Variants in RIT2 observed in about 807,000 individuals in gnomAD.
The protein encoded by RIT2 is Ras like without CAAX 2, also known as GTP-binding protein Rit2.
In RIT2, 24 loss-of-function variants were observed where a neutral mutation model predicts 23.7. That is an observed-to-expected ratio of 1.01 (90% CI 0.73 to 1.43). The LOEUF is 1.43. RIT2 is among the 40% of genes most tolerant of loss of function. RIT2 has a pLI of 0.00. For synonymous variants in RIT2, 107 were observed against 91.1 expected, an observed-to-expected ratio of 1.17 and a Z score of -0.99; for missense variants, 236 against 266.9, an observed-to-expected ratio of 0.88 and a Z score of 0.81.
chr18:42,856,827 CTTTTTTTT>C (rs756725926), intron 4 of RIT2, among the ~76,000 whole-genome samples: 1 of 114,654 alleles, frequency 8.7e-6, no homozygotes, highest in Non-Finnish European at 1.7e-5. Context: ...CTCTCTCTCT[CTTTTTTTT>C]TTTTTTTTTT....
chr18:42,980,462 G>T (rs934023798), intron 2 of RIT2, among the ~76,000 whole-genome samples: 1 of 151,940 alleles, frequency 6.6e-6, no homozygotes, highest in Non-Finnish European at 1.5e-5. Context: ...ATGCTGATTG[G>T]TGTCAACTAC....
intron 3 of RIT2, among the ~76,000 whole-genome samples, chr18:42,945,070 A>C (rs1324513695): frequency 6.6e-6 from 1 of 152,126 alleles, no homozygotes; most frequent in African/African-American, 2.4e-5. Context: ...TTTGTTTATA[A>C]AATAATATTT....
intron 4 of RIT2, among the ~76,000 whole-genome samples, chr18:42,889,479 T>G (rs893803680): frequency 1.3e-5 from 2 of 152,094 alleles, no homozygotes; most frequent in African/African-American, 4.8e-5. Flanking sequence ...CATTGACTAT[T>G]CAATATCATA....
chr18:42,827,310 A>G (rs1230272182), intron 4 of RIT2, among the ~76,000 whole-genome samples: 1 of 152,204 alleles, frequency 6.6e-6, no homozygotes, highest in Non-Finnish European at 1.5e-5. Context: ...AAATAGCATT[A>G]GATATCTTCA....
intron 1 of RIT2, among the ~76,000 whole-genome samples, chr18:43,047,383 A>T (rs1912274151): frequency 1.3e-5 from 2 of 152,104 alleles, no homozygotes; most frequent in African/African-American, 4.8e-5. Context: ...TAGAATTAAA[A>T]ATTAATGCTG....
intron 4 of RIT2, among the ~76,000 whole-genome samples, chr18:42,906,975 T>A (rs957284394): frequency 2.6e-5 from 4 of 152,184 alleles, no homozygotes; most frequent in African/African-American, 9.7e-5. Flanking sequence ...TGAATTGCCT[T>A]TTCCTAGCAT....
intron 4 of RIT2, among the ~76,000 whole-genome samples, chr18:42,848,732 A>C (rs1366011235): frequency 6.6e-6 from 1 of 152,092 alleles, no homozygotes; most frequent in African/African-American, 2.4e-5. Flanking sequence ...TCATTTACAG[A>C]AAGCACATTG....
chr18:42,959,289 C>T (rs1910044629), intron 3 of RIT2, among the ~76,000 whole-genome samples: 1 of 151,990 alleles, frequency 6.6e-6, no homozygotes, highest in South Asian at 2.1e-4. Flanking sequence ...AAGGACATTG[C>T]CAATATTAAA....
chr18:42,963,035 C>G (rs1910127919), intron 3 of RIT2, among the ~76,000 whole-genome samples: 3 of 152,120 alleles, frequency 2.0e-5, no homozygotes, highest in African/African-American at 4.8e-5. Flanking sequence ...ATTTACCTAT[C>G]CATGTTGCAA....
At chr18:42,880,392 C>T (rs1254595334) in intron 4 of RIT2, among the ~76,000 whole-genome samples, 1 of 152,090 alleles carries the variant, frequency 6.6e-6, no homozygotes, top group Non-Finnish European at 1.5e-5. Context: ...CTTACTATTG[C>T]TTTAATGGGG....
chr18:42,850,619 T>C lies in RIT2; in HGVS notation c.426+72953A>G, dbSNP rs183628504. ...TTTTCTAGTGACAAAATTCAATGTT[T>C]ATAGAAAATGTTGAAGATATGTAAA... On this transcript the variant is annotated intron_variant, in intron 4 of 4. Coordinates refer to ENST00000326695, the MANE Select transcript of RIT2 (RefSeq NM_002930.4). Among the ~76,000 whole-genome samples, 238 of 152,314 alleles carry C rather than the reference T, an allele frequency of 1.6e-3. 2 individuals carry two copies. The highest frequency in any genetic ancestry group is 5.4e-3 in the African/African-American group (226 of 41,564).
rs577184951 is a variant in RIT2 at position 42,753,222 on chromosome 18, G to A, written c.427-9502C>T. On this transcript the variant is annotated intron_variant, in intron 4 of 4. Coordinates refer to ENST00000326695, the MANE Select transcript of RIT2 (RefSeq NM_002930.4). ...AGTCCCAACAATCTGCTGACTTCAG[G>A]AGCTTTCTAGCTCTCTGCATATTTT... 9.9e-5 allele frequency among the ~76,000 whole-genome samples: 15 copies of A among 152,218 alleles called. No homozygotes were observed. The East Asian group carries it at 2.7e-3, about 27-fold the overall frequency.
chr18:42,783,543 A>AT (rs11460196), intron 4 of RIT2, among the ~76,000 whole-genome samples: 49,404 of 151,920 alleles, frequency 0.33, 10,748 homozygotes, highest in African/African-American at 0.61. Context: ...AAAAATGTTG[A>AT]TTTTTTAAGT....
At chr18:42,920,944 T>TC (rs201076478) in intron 4 of RIT2, among the ~76,000 whole-genome samples, 18 of 142,814 alleles carry the variant, frequency 1.3e-4, no homozygotes, top group Non-Finnish European at 2.4e-4. Flanking sequence ...TGAGTCTGCT[T>TC]TTTTTTTTTT....
chr18:42,853,755 T>C (rs889282456), intron 4 of RIT2, among the ~76,000 whole-genome samples: 3 of 152,222 alleles, frequency 2.0e-5, no homozygotes, highest in East Asian at 3.8e-4. Flanking sequence ...AGTAATTGTA[T>C]GGATTTTCCA....
At chr18:43,075,023 A>T (rs996455377) in intron 1 of RIT2, among the ~76,000 whole-genome samples, 2 of 152,334 alleles carry the variant, frequency 1.3e-5, no homozygotes, top group East Asian at 3.9e-4. Context: ...ACAAACCTGC[A>T]CATCCTGCAC....
chr18:42,806,302 C>T (rs1905683095), intron 4 of RIT2, among the ~76,000 whole-genome samples: 1 of 151,552 alleles, frequency 6.6e-6, no homozygotes, highest in Non-Finnish European at 1.5e-5. Context: ...AACCTCATCT[C>T]TACTAATAAT....
intron 4 of RIT2, among the ~76,000 whole-genome samples, chr18:42,773,097 T>C (rs1385020945): frequency 5.3e-5 from 8 of 152,192 alleles, no homozygotes; most frequent in Non-Finnish European, 1.2e-4. Flanking sequence ...AATAAAATTG[T>C]TTTTAACCCC....
intron 4 of RIT2, among the ~76,000 whole-genome samples, chr18:42,845,283 C>A (rs1215128590): frequency 6.6e-6 from 1 of 151,806 alleles, no homozygotes; most frequent in Non-Finnish European, 1.5e-5. Flanking sequence ...ATTACAGATA[C>A]TAGACAGTAG....
Sources: allele counts gnomAD v4.1 joint callset (sites outside exome capture counted in the v4.1 genomes callset), GRCh38; gene constraint gnomAD v4.1.1; transcripts MANE v1.5; gene names NCBI Gene and HGNC (gene_info 2026-07-23, HGNC 2026-07-21).